Variants in STARD13 observed in about 807,000 individuals in gnomAD.
STARD13 encodes the protein stAR-related lipid transfer protein 13.
A neutral mutation model predicts 106.4 loss-of-function variants in STARD13; 62 were observed. That is an observed-to-expected ratio of 0.58 (90% CI 0.48 to 0.72). The LOEUF (loss-of-function observed/expected upper bound fraction) is 0.72, where lower values mean the gene tolerates loss of function less well. STARD13 is among the 30% of genes least tolerant of loss of function. The pLI is 0.00. For missense variants in STARD13, 1,387 were observed against 1,424.0 expected, an observed-to-expected ratio of 0.97 and a Z score of 0.42; for synonymous variants, 565 against 553.0, an observed-to-expected ratio of 1.02 and a Z score of -0.31.
At chr13:33,286,487 A>G (rs1209480718), upstream of STARD13, among the ~76,000 whole-genome samples, 2 of 152,204 alleles carry the variant, frequency 1.3e-5, no homozygotes, top group East Asian at 3.9e-4. Context: ...AAGACACTGA[A>G]TCATTTAAGA....
chr13:33,262,701 A>G (rs989967512), intron 1 of STARD13, among the ~76,000 whole-genome samples: 2 of 136,066 alleles, frequency 1.5e-5, no homozygotes, highest in African/African-American at 5.5e-5. Context: ...CCTGTACTCT[A>G]GTTTTTCAGT....
chr13:33,259,029 T>C (rs1890507146), intron 1 of STARD13, among the ~76,000 whole-genome samples: 1 of 152,226 alleles, frequency 6.6e-6, no homozygotes. Flanking sequence ...GCATTTAGTA[T>C]GGATTCTGGA....
intron 3 of STARD13, among the ~76,000 whole-genome samples, chr13:33,153,837 C>G (rs114026552): frequency 2.8e-4 from 43 of 152,216 alleles, no homozygotes; most frequent in Non-Finnish European, 4.4e-4. Context: ...AGCCTAGCAG[C>G]CTGAACTTCT....
intron 1 of STARD13, among the ~76,000 whole-genome samples, chr13:33,337,612 G>T (rs1236499758): frequency 6.6e-6 from 1 of 152,066 alleles, no homozygotes; most frequent in African/African-American, 2.4e-5. Flanking sequence ...TTTTTTGGGG[G>T]TTCACCTTCC....
the STARD13 span, among the ~76,000 whole-genome samples, chr13:33,585,697 GATAAAA>G: frequency 6.6e-6 from 1 of 152,104 alleles, no homozygotes; most frequent in African/African-American, 2.4e-5. Flanking sequence ...CTGTCTCAAA[GATAAAA>G]ATAATGTAGT....
the STARD13 span, among the ~76,000 whole-genome samples, chr13:33,577,363 C>A: frequency 1.3e-5 from 2 of 152,152 alleles, no homozygotes; most frequent in African/African-American, 4.8e-5. Flanking sequence ...AAATTCCATT[C>A]TTTCACATTG....
the STARD13 span, among the ~76,000 whole-genome samples, chr13:33,401,065 T>G: frequency 6.6e-6 from 1 of 152,124 alleles, no homozygotes; most frequent in African/African-American, 2.4e-5. Flanking sequence ...GTAATATATG[T>G]GCATGACACC....
chr13:33,481,486 G>T, the STARD13 span, among the ~76,000 whole-genome samples: 1 of 152,194 alleles, frequency 6.6e-6, no homozygotes, highest in South Asian at 2.1e-4. Context: ...TAGAAAACAC[G>T]GAGGATAAAG....
chr13:33,566,298 A>G, the STARD13 span, among the ~76,000 whole-genome samples: 51 of 148,384 alleles, frequency 3.4e-4, 3 homozygotes, highest in African/African-American at 1.1e-3. Context: ...TATCATAGGT[A>G]TGTACATATA....
the STARD13 span, among the ~76,000 whole-genome samples, chr13:33,537,674 T>G: frequency 2.0e-5 from 3 of 152,112 alleles, no homozygotes; most frequent in Non-Finnish European, 4.4e-5. Flanking sequence ...GAAGTGTATA[T>G]TTCTTTACTG....
Position 33,112,728 on chromosome 13 carries a change from AG to A in STARD13, c.2484del (p.Ser829LeufsTer29). 2 of 1,596,656 alleles carry A rather than the reference AG, an allele frequency of 1.3e-6. No individual in the cohort carries two copies. The highest frequency in any genetic ancestry group is 1.7e-6 in the Non-Finnish European group (2 of 1,171,982). On this transcript the variant is annotated frameshift_variant, in exon 9 of 14. Coordinates refer to ENST00000336934, the MANE Select transcript of STARD13 (RefSeq NM_178006.4). LOFTEE classifies it high-confidence loss of function. ...CTGAGAAAAAAAACCCACCGTGGAG[AG>A]CTTTCTTTCTTCAATAAATTAAGAT... ...LFHLNLLKKE[S>X]SPRVIQKKYA...
At chr13:33,664,774 C>A in the STARD13 span, among the ~76,000 whole-genome samples, 1 of 152,174 alleles carries the variant, frequency 6.6e-6, no homozygotes, top group Non-Finnish European at 1.5e-5. Context: ...CTACAGGCCC[C>A]CGCCACCACG....
At chr13:33,622,719 A>C in the STARD13 span, among the ~76,000 whole-genome samples, 4,939 of 149,548 alleles carry the variant, frequency 0.033, 204 homozygotes, top group East Asian at 0.17. Context: ...CAGGAGATCG[A>C]GACCATCCTG....
At chr13:33,378,802 A>G in the STARD13 span, among the ~76,000 whole-genome samples, 2 of 150,416 alleles carry the variant, frequency 1.3e-5, no homozygotes, top group African/African-American at 4.9e-5. Context: ...AAAAACAAAA[A>G]AAAAAAAAAG....
chr13:33,206,071 C>G (rs1887398389), intron 1 of STARD13: 1 of 955,896 alleles, frequency 1.0e-6, no homozygotes, highest in African/African-American at 1.8e-5. Flanking sequence ...TTGGCCCCGC[C>G]TCCAGCTCTA....
At chr13:33,466,669 A>G in the STARD13 span, among the ~76,000 whole-genome samples, 1 of 152,240 alleles carries the variant, frequency 6.6e-6, no homozygotes, top group Non-Finnish European at 1.5e-5. Context: ...TTGTATACTA[A>G]CATCCATAAA....
chr13:33,606,226 C>T, the STARD13 span, among the ~76,000 whole-genome samples: 6 of 151,946 alleles, frequency 3.9e-5, no homozygotes, highest in African/African-American at 9.7e-5. Flanking sequence ...GCTTGGACTC[C>T]GGAGGTGGAG....
At chr13:33,308,510 CTT>C (rs1193493503) in intron 1 of STARD13, among the ~76,000 whole-genome samples, 39 of 113,602 alleles carry the variant, frequency 3.4e-4, no homozygotes, top group Non-Finnish European at 5.3e-4. Context: ...TTTTCTTTTT[CTT>C]TTTCTTTCTT....
At chr13:33,160,416 G>A (rs921281783) in intron 3 of STARD13, among the ~76,000 whole-genome samples, 3 of 152,034 alleles carry the variant, frequency 2.0e-5, no homozygotes, top group East Asian at 3.9e-4. Flanking sequence ...GACATTAAAA[G>A]CATAAATAAA....
Sources: allele counts gnomAD v4.1 joint callset (sites outside exome capture counted in the v4.1 genomes callset), GRCh38; gene constraint gnomAD v4.1.1; transcripts MANE v1.5; gene names NCBI Gene and HGNC (gene_info 2026-07-23, HGNC 2026-07-21).